The following SVIL variants were observed in gnomAD, a reference collection of about 807,000 sequenced individuals.
SVIL encodes the protein supervillin, also known as archvillin.
In SVIL, 101 loss-of-function variants were observed where a neutral mutation model predicts 240.4. The observed-to-expected ratio is 0.42, with a 90% CI of 0.36 to 0.50. The LOEUF (loss-of-function observed/expected upper bound fraction) is 0.50, where lower values mean the gene tolerates loss of function less well. SVIL is among the 20% of genes least tolerant of loss of function. SVIL has a pLI of 0.01. For missense variants in SVIL, 2,512 were observed against 2,818.7 expected, an observed-to-expected ratio of 0.89 and a Z score of 2.46; for synonymous variants, 999 against 1,100.0, an observed-to-expected ratio of 0.91 and a Z score of 1.82.
chr10:29,482,021 C>CTTTTTTT (rs35856299), intron 27 of SVIL, among the ~76,000 whole-genome samples: 46 of 113,392 alleles, frequency 4.1e-4, no homozygotes, highest in African/African-American at 7.1e-4. Context: ...CTTTTCTTTT[C>CTTTTTTT]TTTTTTTTTT....
intron 1 of SVIL, among the ~76,000 whole-genome samples, chr10:29,577,419 T>C (rs76145836): frequency 0.018 from 2,673 of 152,292 alleles, 43 homozygotes; most frequent in Non-Finnish European, 0.027. Flanking sequence ...CACTTATACA[T>C]GAAAACATAT....
At chr10:29,713,257 T>A (rs1564352495) in intron 1 of SVIL, among the ~76,000 whole-genome samples, 2 of 116,252 alleles carry the variant, frequency 1.7e-5, no homozygotes, top group Non-Finnish European at 3.5e-5. Flanking sequence ...AAGTTGTACA[T>A]GCCTCTGTGT....
chr10:29,622,708 G>A (rs1957710160), intron 1 of SVIL, among the ~76,000 whole-genome samples: 1 of 152,114 alleles, frequency 6.6e-6, no homozygotes, highest in African/African-American at 2.4e-5. Flanking sequence ...ACAACACCAT[G>A]ACCTTAAACC....
chr10:29,683,054 T>C (rs74653351), intron 2 of SVIL, among the ~76,000 whole-genome samples: 3,913 of 152,228 alleles, frequency 0.026, 167 homozygotes, highest in African/African-American at 0.088. Context: ...GTGCTTAAGG[T>C]GACTGGGCTA....
At chr10:29,567,226 CA>C (rs1326735135) in intron 2 of SVIL, among the ~76,000 whole-genome samples, 1 of 152,126 alleles carries the variant, frequency 6.6e-6, no homozygotes, top group Non-Finnish European at 1.5e-5. Context: ...CCCATAGCAG[CA>C]CGGGGGAATT....
intron 1 of SVIL, among the ~76,000 whole-genome samples, chr10:29,705,060 G>A (rs965784906): frequency 9.9e-5 from 15 of 152,094 alleles, no homozygotes; most frequent in African/African-American, 3.6e-4. Flanking sequence ...AGGAATGAGA[G>A]CCTCACAATT....
Position 29,681,406 on chromosome 10 carries a change from GGTGTGT to G in SVIL, c.-301+5141_-301+5146del, listed in dbSNP as rs55839039. Among the ~76,000 whole-genome samples the G allele has an allele frequency of 7.6e-4, 102 of 134,978 alleles. 1 individual carries two copies. Among genetic ancestry groups the G allele is most frequent in the African/African-American group, 2.5e-3 (90 of 35,578 alleles). The allele number at this position is 134,978 out of a possible 152,430, so 88.6% of individuals were successfully genotyped here. A position where few individuals can be genotyped will look rare whatever the true frequency, so the allele number is the denominator to read the frequency against. Reference sequence around the variant, plus strand: ...GCATGATGACCTCTAAAGATGGAATGGTGTGTGTGTGTGTGTGTGTGTGTGTGTGTG... The same window carrying G: ...GCATGATGACCTCTAAAGATGGAATGGTGTGTGTGTGTGTGTGTGTGTGTG... On this transcript the variant is annotated intron_variant, in intron 2 of 35. Coordinates refer to the SVIL transcript ENST00000375400.
chr10:29,504,835 C>G (rs573795786), intron 17 of SVIL, among the ~76,000 whole-genome samples: 28 of 152,316 alleles, frequency 1.8e-4, no homozygotes, highest in African/African-American at 5.3e-4. Context: ...ATACAGCAAT[C>G]ATGCTCCTTG....
intron 2 of SVIL, among the ~76,000 whole-genome samples, chr10:29,568,039 A>C (rs1392274988): frequency 6.6e-6 from 1 of 151,620 alleles, no homozygotes; most frequent in African/African-American, 2.4e-5. Context: ...AAAAAAAAAA[A>C]CAAAAACAGA....
intron 3 of SVIL, among the ~76,000 whole-genome samples, chr10:29,655,068 G>A (rs55833561): frequency 6.6e-6 from 1 of 152,114 alleles, no homozygotes; most frequent in Non-Finnish European, 1.5e-5. Context: ...TAGCTATCTA[G>A]GTGTTTTTTA....
At position 29,498,088 on chromosome 10, in the gene SVIL, C is replaced by CAAAAAA. The variant is rs34280398; in HGVS notation, c.3664+1022_3664+1027dup. On this transcript the variant is annotated intron_variant, in intron 18 of 37. Transcript: ENST00000355867. ...CAGAGCGAGATTCTGTCCCCTCCAC[C>CAAAAAA]AAAAAAAAAAAAAAAAAAAAAAAAA... Among the ~76,000 whole-genome samples the CAAAAAA allele has an allele frequency of 1.7e-3, 63 of 37,462 alleles. 1 individual carries two copies. Among genetic ancestry groups the CAAAAAA allele is most frequent in the South Asian group, 3.7e-3 (4 of 1,072 alleles). 24.6% of individuals were successfully genotyped at this position (37,462 alleles called of 152,430 possible).
chr10:29,615,284 G>A (rs2132888430), intron 1 of SVIL, among the ~76,000 whole-genome samples: 1 of 152,278 alleles, frequency 6.6e-6, no homozygotes, highest in South Asian at 2.1e-4. Context: ...TTGCCACCTT[G>A]TTTCTTAGCC....
upstream of SVIL, among the ~76,000 whole-genome samples, chr10:29,736,048 A>C (rs1964886153): frequency 6.6e-6 from 1 of 152,080 alleles, no homozygotes; most frequent in Admixed American, 6.5e-5. Context: ...GAGGGGGGCC[A>C]AGCACAAGCA....
chr10:29,523,034 G>A (rs1217871223), intron 15 of SVIL, among the ~76,000 whole-genome samples: 1 of 152,218 alleles, frequency 6.6e-6, no homozygotes, highest in African/African-American at 2.4e-5. Context: ...GGCCCACGCA[G>A]TGTAGCTTGC....
intron 6 of SVIL, among the ~76,000 whole-genome samples, chr10:29,540,924 CATA>C (rs1952103026): frequency 6.6e-6 from 1 of 152,190 alleles, no homozygotes; most frequent in African/African-American, 2.4e-5. Context: ...GCAGCCTGAT[CATA>C]ATACTGAGGG....
At chr10:29,619,954 A>T (rs1957569686) in intron 1 of SVIL, among the ~76,000 whole-genome samples, 1 of 152,224 alleles carries the variant, frequency 6.6e-6, no homozygotes, top group Non-Finnish European at 1.5e-5. Context: ...ACACAAAGAT[A>T]ACAGAGAAGA....
At chr10:29,614,121 C>A (rs1957349979) in intron 1 of SVIL, among the ~76,000 whole-genome samples, 1 of 151,990 alleles carries the variant, frequency 6.6e-6, no homozygotes, top group Non-Finnish European at 1.5e-5. Flanking sequence ...CCTTTTAAAG[C>A]CATTTTTTTT....
At chr10:29,620,662 A>C (rs956746920) in intron 1 of SVIL, among the ~76,000 whole-genome samples, 3 of 152,222 alleles carry the variant, frequency 2.0e-5, no homozygotes, top group African/African-American at 7.2e-5. Context: ...AGTCTCACCC[A>C]GGCTGGAGTA....
intron 11 of SVIL, among the ~76,000 whole-genome samples, chr10:29,530,267 G>T (rs1485832318): frequency 6.7e-6 from 1 of 149,004 alleles, no homozygotes; most frequent in Admixed American, 6.8e-5. Context: ...CCTACAGGAG[G>T]GGTCACTAAT....
Sources: gnomAD v4.1 joint callset for allele counts (sites outside exome capture counted in the v4.1 genomes callset) on GRCh38, gnomAD v4.1.1 for gene constraint, MANE v1.5 for transcripts, NCBI Gene and HGNC (gene_info 2026-07-23, HGNC 2026-07-21) for gene names.